Variants in SMG6 observed in about 807,000 individuals in gnomAD.
SMG6 encodes the protein telomerase-binding protein EST1A.
A neutral mutation model predicts 142.2 loss-of-function variants in SMG6; 66 were observed. That is an observed-to-expected ratio of 0.46 (90% CI 0.38 to 0.57). SMG6 has a LOEUF of 0.57. Among genes scored for constraint, SMG6 ranks in the 20% least tolerant of loss-of-function variants. SMG6 has a pLI of 0.00. For synonymous variants in SMG6, 779 were observed against 702.4 expected, an observed-to-expected ratio of 1.11 and a Z score of -1.72; for missense variants, 1,793 against 1,832.0, an observed-to-expected ratio of 0.98 and a Z score of 0.39.
At chr17:2,121,638 T>TGA (rs1567614308) in intron 13 of SMG6, among the ~76,000 whole-genome samples, 1 of 62,118 alleles carries the variant, frequency 1.6e-5, no homozygotes. Flanking sequence ...TGTGTGTGTG[T>TGA]GTGTGTGTAG....
intron 16 of SMG6, chr17:2,065,887 T>C (rs1216756436): frequency 1.7e-6 from 1 of 589,818 alleles, no homozygotes; most frequent in Non-Finnish European, 3.0e-6. Flanking sequence ...CCTTTCTGTC[T>C]CTTCTCCTGG....
Position 2,125,450 on chromosome 17 carries a change from C to A in SMG6, c.3358-39549G>T, listed in dbSNP as rs544487083. On this transcript the variant is annotated intron_variant, in intron 13 of 18. Coordinates refer to ENST00000263073, the MANE Select transcript of SMG6 (RefSeq NM_017575.5). ...TGGCCAATAGGATGATGATTAGCTA[C>A]AATATGGCCAAACAAATTTAAATTT... Among the ~76,000 whole-genome samples, 134 of 152,294 alleles carry A rather than the reference C, an allele frequency of 8.8e-4. 1 individual carries two copies. Among genetic ancestry groups the A allele is most frequent in the African/African-American group, 3.0e-3 (125 of 41,566 alleles).
rs536085916 is a variant in SMG6, at chr17:2,061,416, A to G, written c.*76T>C. On this transcript the variant is annotated 3_prime_UTR_variant, in exon 19 of 19. Transcript: ENST00000263073. ...GGATTGGTGGCTCAGGCACGTGGGC[A>G]TCTTCCGTGCTACACTGGGCGCCTG... 2.2e-4 allele frequency: 306 copies of G among 1,421,600 alleles called. 1 individual carries two copies. In the African/African-American group the frequency reaches 3.7e-3, roughly 17 times the overall value. 88.1% of individuals were successfully genotyped at this position (1,421,600 alleles called of 1,614,324 possible). A position where few individuals can be genotyped will look rare whatever the true frequency, so the allele number is the denominator to read the frequency against.
At chr17:2,163,566 T>G (rs1214944444) in intron 13 of SMG6, among the ~76,000 whole-genome samples, 1 of 152,226 alleles carries the variant, frequency 6.6e-6, no homozygotes, top group Non-Finnish European at 1.5e-5. Flanking sequence ...TTTGCTACAT[T>G]TACTTATTAT....
intron 13 of SMG6, among the ~76,000 whole-genome samples, chr17:2,119,957 C>T (rs2069634505): frequency 6.6e-6 from 1 of 152,196 alleles, no homozygotes. Flanking sequence ...CCACTGCACC[C>T]GGCCATGTCC....
intron 8 of SMG6, among the ~76,000 whole-genome samples, chr17:2,275,962 G>A (rs781603004): frequency 1.3e-5 from 2 of 152,146 alleles, no homozygotes; most frequent in African/African-American, 2.4e-5. Flanking sequence ...GCAGAGAACA[G>A]ACTAGTTGGG....
chr17:2,110,485 A>G (rs1319843191), intron 13 of SMG6, among the ~76,000 whole-genome samples: 15 of 152,178 alleles, frequency 9.9e-5, no homozygotes, highest in Non-Finnish European at 2.9e-5. Flanking sequence ...GCACACGCAC[A>G]CACACGGTAT....
chr17:2,078,381 CT>C (rs879468646), intron 15 of SMG6, among the ~76,000 whole-genome samples: 426 of 143,170 alleles, frequency 3.0e-3, no homozygotes, highest in Middle Eastern at 3.7e-3. Flanking sequence ...TCACTGAATA[CT>C]TTTTTTTTTT....
intron 8 of SMG6, among the ~76,000 whole-genome samples, chr17:2,277,383 G>A (rs1234354977): frequency 6.6e-6 from 1 of 151,598 alleles, no homozygotes; most frequent in Non-Finnish European, 1.5e-5. Context: ...AGCCAGGATG[G>A]TCTCGATCTC....
At chr17:2,242,959 G>T (rs1401570260) in intron 9 of SMG6, among the ~76,000 whole-genome samples, 1 of 152,040 alleles carries the variant, frequency 6.6e-6, no homozygotes, top group African/African-American at 2.4e-5. Context: ...TCATTCATTT[G>T]TACAACAAAT....
intron 13 of SMG6, chr17:2,086,990 T>C (rs1270221713): frequency 1.6e-6 from 2 of 1,285,926 alleles, no homozygotes; most frequent in African/African-American, 1.5e-5. Flanking sequence ...CCCCTGCCTC[T>C]CTTTTAATGC....
chr17:2,185,575 A>C (rs116982373), intron 12 of SMG6, among the ~76,000 whole-genome samples: 2,882 of 152,202 alleles, frequency 0.019, 54 homozygotes, highest in South Asian at 0.065. Flanking sequence ...CACAGACTCC[A>C]ACACCTGCCC....
At chr17:2,133,105 C>G (rs562651666) in intron 13 of SMG6, among the ~76,000 whole-genome samples, 1 of 151,986 alleles carries the variant, frequency 6.6e-6, no homozygotes, top group African/African-American at 2.4e-5. Context: ...ATTAGCTGGA[C>G]GTGGTGGCGC....
chr17:2,283,079 A>T (rs2074826558), intron 7 of SMG6, among the ~76,000 whole-genome samples: 1 of 152,220 alleles, frequency 6.6e-6, no homozygotes, highest in Non-Finnish European at 1.5e-5. Flanking sequence ...CTGAGGCATG[A>T]GAATCACTTA....
chr17:2,237,524 C>A (rs1421085396), intron 9 of SMG6: 1 of 985,400 alleles, frequency 1.0e-6, no homozygotes, highest in Admixed American at 6.1e-5. Flanking sequence ...TGTCTCAGTT[C>A]TTCGTGTGTT....
intron 7 of SMG6, among the ~76,000 whole-genome samples, chr17:2,283,316 A>G (rs1363414552): frequency 6.6e-6 from 1 of 152,162 alleles, no homozygotes; most frequent in African/African-American, 2.4e-5. Flanking sequence ...TGTTTCATAT[A>G]GTTATTAATT....
At chr17:2,108,500 G>A (rs978150507) in intron 13 of SMG6, among the ~76,000 whole-genome samples, 6 of 152,118 alleles carry the variant, frequency 3.9e-5, no homozygotes, top group Non-Finnish European at 7.4e-5. Context: ...ACCTGCAGGT[G>A]CACACCTGCA....
intron 8 of SMG6, among the ~76,000 whole-genome samples, chr17:2,269,914 A>G (rs1326793073): frequency 6.6e-6 from 1 of 152,196 alleles, no homozygotes; most frequent in African/African-American, 2.4e-5. Context: ...CTGTAATCCT[A>G]GTGCTTTGGG....
At chr17:2,106,893 G>A (rs955008480) in intron 13 of SMG6, among the ~76,000 whole-genome samples, 2 of 150,932 alleles carry the variant, frequency 1.3e-5, no homozygotes, top group South Asian at 2.1e-4. Flanking sequence ...GTGCGATCTC[G>A]GCTCACTGCA....
Sources: allele counts gnomAD v4.1 joint callset (sites outside exome capture counted in the v4.1 genomes callset), GRCh38; gene constraint gnomAD v4.1.1; transcripts MANE v1.5; gene names NCBI Gene and HGNC (gene_info 2026-07-23, HGNC 2026-07-21).